Variants in ANKFN1 observed in about 807,000 individuals in gnomAD.
ANKFN1 encodes ankyrin repeat and fibronectin type-III domain-containing protein 1.
ANKFN1 carries 74 observed loss-of-function variants against 108.7 expected under a neutral mutation model. That is an observed-to-expected ratio of 0.68 (90% CI 0.56 to 0.83). ANKFN1 has a LOEUF of 0.83. ANKFN1 is among the 40% of genes least tolerant of loss of function. The pLI is 0.00. For synonymous variants in ANKFN1, 547 were observed against 516.2 expected, an observed-to-expected ratio of 1.06 and a Z score of -0.81; for missense variants, 1,505 against 1,382.3, an observed-to-expected ratio of 1.09 and a Z score of -1.41.
chr17:56,353,326 C>G (rs2144681861), intron 5 of ANKFN1, among the ~76,000 whole-genome samples: 1 of 151,908 alleles, frequency 6.6e-6, no homozygotes, highest in South Asian at 2.1e-4. Context: ...ACCTCTGCCC[C>G]CTGGGCAGGA....
intron 6 of ANKFN1, among the ~76,000 whole-genome samples, chr17:56,365,770 G>A (rs1245636242): frequency 6.6e-6 from 1 of 152,106 alleles, no homozygotes; most frequent in Non-Finnish European, 1.5e-5. Flanking sequence ...TTGTGATGCT[G>A]GTTTAAACAA....
intron 3 of ANKFN1, among the ~76,000 whole-genome samples, chr17:56,229,491 T>G (rs1916538811): frequency 6.6e-6 from 1 of 151,880 alleles, no homozygotes; most frequent in African/African-American, 2.4e-5. Context: ...TTTAAATCAG[T>G]TAATGTTAAA....
At chr17:56,147,303 G>T (rs1908323180) in intron 4 of ANKFN1, among the ~76,000 whole-genome samples, 1 of 152,102 alleles carries the variant, frequency 6.6e-6, no homozygotes, top group African/African-American at 2.4e-5. Flanking sequence ...CCACATTTTT[G>T]GGTATCCTTA....
chr17:56,220,876 G>GAGGGAGGGAGGGAGGAAGGAAGGAAGGA (rs1567846275), intron 2 of ANKFN1, among the ~76,000 whole-genome samples: 1 of 64,350 alleles, frequency 1.6e-5, no homozygotes, highest in Non-Finnish European at 2.7e-5. Flanking sequence ...GGAAGGGAGG[G>GAGGGAGGGAGGGAGGAAGGAAGGAAGGA]AGGGAGGGAG....
intron 3 of ANKFN1, among the ~76,000 whole-genome samples, chr17:56,230,057 C>T (rs1598276641): frequency 6.6e-6 from 1 of 152,098 alleles, no homozygotes; most frequent in South Asian, 2.1e-4. Context: ...AAATGGAAAA[C>T]GACCTAATCA....
At chr17:56,188,577 G>GTCTATA (rs1433162811) in intron 1 of ANKFN1, among the ~76,000 whole-genome samples, 1 of 80,800 alleles carries the variant, frequency 1.2e-5, no homozygotes, top group Non-Finnish European at 2.2e-5. Context: ...GTGTGTGTGT[G>GTCTATA]TGTGTATATA....
chr17:56,123,855 G>GAC, intron 4 of ANKFN1, among the ~76,000 whole-genome samples: 1 of 151,342 alleles, frequency 6.6e-6, no homozygotes, highest in Non-Finnish European at 1.5e-5. Context: ...GAGAGAGAGA[G>GAC]AGAGAGAGAG....
chr17:56,293,282 C>G (rs947938600), intron 3 of ANKFN1, among the ~76,000 whole-genome samples: 2 of 152,084 alleles, frequency 1.3e-5, no homozygotes, highest in African/African-American at 4.8e-5. Context: ...AGGCACAGGG[C>G]CAAACATATT....
At chr17:56,311,880 A>G (rs2045037951) in intron 3 of ANKFN1, among the ~76,000 whole-genome samples, 1 of 152,282 alleles carries the variant, frequency 6.6e-6, no homozygotes, top group Non-Finnish European at 1.5e-5. Flanking sequence ...TCTGGTCCCA[A>G]GCATTTCAGA....
At chr17:56,100,357 G>A (rs1243562922) in intron 4 of ANKFN1, among the ~76,000 whole-genome samples, 1 of 152,186 alleles carries the variant, frequency 6.6e-6, no homozygotes, top group Non-Finnish European at 1.5e-5. Context: ...TGTTGTAGGT[G>A]ATGAAATGGA....
chr17:56,436,767 T>C (rs1246563978), intron 8 of ANKFN1, among the ~76,000 whole-genome samples: 2 of 151,114 alleles, frequency 1.3e-5, no homozygotes, highest in Non-Finnish European at 2.9e-5. Context: ...GAGGCGGAGG[T>C]TGGAGGTTGC....
At chr17:56,280,777 A>G (rs1333545113) in intron 3 of ANKFN1, among the ~76,000 whole-genome samples, 2 of 152,198 alleles carry the variant, frequency 1.3e-5, no homozygotes, top group African/African-American at 2.4e-5. Context: ...AGTCAGAGCA[A>G]TCTTGCAAAA....
intron 6 of ANKFN1, among the ~76,000 whole-genome samples, chr17:56,358,256 A>G (rs1483498715): frequency 6.6e-6 from 1 of 152,192 alleles, no homozygotes; most frequent in African/African-American, 2.4e-5. Context: ...GTATCCTCAC[A>G]CAATTCAGAA....
intron 15 of ANKFN1, chr17:56,473,156 G>C (rs192099748): frequency 1.2e-4 from 19 of 152,244 alleles, no homozygotes; most frequent in African/African-American, 4.6e-4. Flanking sequence ...CTGATACATA[G>C]TAAGTGCTCA....
chr17:56,377,362 AG>A (rs2046972898), intron 8 of ANKFN1, among the ~76,000 whole-genome samples: 1 of 152,238 alleles, frequency 6.6e-6, no homozygotes, highest in African/African-American at 2.4e-5. Context: ...GGCACGCACC[AG>A]GCCAACTGCC....
chr17:56,443,892 T>C (rs2049196879), intron 10 of ANKFN1, among the ~76,000 whole-genome samples: 1 of 152,244 alleles, frequency 6.6e-6, no homozygotes, highest in African/African-American at 2.4e-5. Flanking sequence ...TTAAAAGTGA[T>C]ATCATATGTT....
chr17:56,314,643 A>C (rs2045145286), intron 3 of ANKFN1, among the ~76,000 whole-genome samples: 1 of 152,198 alleles, frequency 6.6e-6, no homozygotes, highest in South Asian at 2.1e-4. Flanking sequence ...AAGTGGCCAA[A>C]GACTGCAAAG....
At chr17:56,064,328 G>A (rs187266825) in intron 4 of ANKFN1, among the ~76,000 whole-genome samples, 1 of 152,318 alleles carries the variant, frequency 6.6e-6, no homozygotes, top group Non-Finnish European at 1.5e-5. Flanking sequence ...GTACTAACAG[G>A]AGGAAAGGCT....
intron 3 of ANKFN1, among the ~76,000 whole-genome samples, chr17:56,301,857 A>G (rs556107890): frequency 6.6e-6 from 1 of 152,370 alleles, no homozygotes; most frequent in South Asian, 2.1e-4. Flanking sequence ...GGAAGTAGCC[A>G]GTCTTAGAAA....
Sources: allele counts gnomAD v4.1 joint callset (sites outside exome capture counted in the v4.1 genomes callset), GRCh38; gene constraint gnomAD v4.1.1; transcripts MANE v1.5; gene names NCBI Gene and HGNC (gene_info 2026-07-23, HGNC 2026-07-21).